Variants in AFF4 observed in about 807,000 individuals in gnomAD.
The protein encoded by AFF4 is AF4/FMR2 family member 4.
Under a neutral mutation model 124.8 loss-of-function variants are expected in AFF4, and 13 were observed. The ratio of observed to expected loss-of-function variants is 0.10; its 90% CI spans 0.07 to 0.17. AFF4 has a LOEUF of 0.17. Ranked by LOEUF, AFF4 falls within the 10% of genes least tolerant of loss-of-function variation. The pLI is 1.00. For missense variants in AFF4, 1,092 were observed against 1,403.8 expected (o/e 0.78, Z 3.55); for synonymous variants, 477 against 496.1 (o/e 0.96, Z 0.51).
At chr5:132,912,806 GA>G (rs1760822835) in intron 5 of AFF4, among the ~76,000 whole-genome samples, 1 of 151,668 alleles carries the variant, frequency 6.6e-6, no homozygotes, top group Admixed American at 6.6e-5. Context: ...TTATACAGCA[GA>G]AAAGGATGGT....
At chr5:132,944,669 G>A (rs1486687813) in intron 1 of AFF4, among the ~76,000 whole-genome samples, 1 of 151,344 alleles carries the variant, frequency 6.6e-6, no homozygotes, top group African/African-American at 2.4e-5. Flanking sequence ...ATTGGCTCAC[G>A]CCCGTAATCC....
chr5:132,933,171 G>A (rs530267358), intron 3 of AFF4, among the ~76,000 whole-genome samples: 4 of 152,268 alleles, frequency 2.6e-5, no homozygotes, highest in African/African-American at 9.6e-5. Context: ...GCCGAGGCGG[G>A]CGGATCACGT....
chr5:132,939,992 G>T (rs62385348), intron 1 of AFF4, among the ~76,000 whole-genome samples: 7 of 152,118 alleles, frequency 4.6e-5, no homozygotes, highest in African/African-American at 1.7e-4. Context: ...GAGGTAAGGA[G>T]TTCAAGACCA....
chr5:132,910,271 A>C (rs1053307032), intron 5 of AFF4, among the ~76,000 whole-genome samples: 4 of 152,210 alleles, frequency 2.6e-5, no homozygotes, highest in African/African-American at 9.7e-5. Flanking sequence ...GAGAGAGATG[A>C]ATATACTAAA....
intron 1 of AFF4, among the ~76,000 whole-genome samples, chr5:132,949,700 A>ACACGCG (rs775970739): frequency 0.028 from 4,072 of 146,524 alleles, 162 homozygotes; most frequent in African/African-American, 0.085. Context: ...ACACACACAC[A>ACACGCG]CGCGCGCGCG....
Position 132,889,067 on chromosome 5 carries a change from A to G in AFF4, c.2732+12T>C, listed in dbSNP as rs959065614. 2 of 1,598,864 alleles carry G rather than the reference A, an allele frequency of 1.3e-6. No homozygotes were observed. Among genetic ancestry groups the G allele is most frequent in the Non-Finnish European group, 8.6e-7 (1 of 1,167,080 alleles). On this transcript the variant is annotated intron_variant, in intron 14 of 20. Coordinates refer to ENST00000265343, the MANE Select transcript of AFF4 (RefSeq NM_014423.4). The stretch of plus-strand genomic sequence containing the variant: ...TTCTTAAATACAGATACAAAAAATC[A>G]TATTATCTCACCTGTCATCAAAGAC...
chr5:132,913,636 G>A (rs181435096), intron 5 of AFF4, among the ~76,000 whole-genome samples: 2 of 152,250 alleles, frequency 1.3e-5, no homozygotes, highest in East Asian at 3.9e-4. Context: ...CAGACATGAG[G>A]TCTGGCTGTT....
At chr5:132,956,018 T>C (rs1192673501) in intron 1 of AFF4, among the ~76,000 whole-genome samples, 3 of 150,702 alleles carry the variant, frequency 2.0e-5, no homozygotes, top group Non-Finnish European at 4.4e-5. Context: ...CATGTAAATA[T>C]ATGTGTATTA....
At chr5:132,885,014 G>T in intron 19 of AFF4, 62 bp downstream of exon 19, 1 of 1,234,764 alleles carries the variant, frequency 8.1e-7, no homozygotes, top group Non-Finnish European at 1.1e-6. Flanking sequence ...TTTGGAAATT[G>T]GACCATACTC....
At chr5:132,946,177 G>A (rs1761693566) in intron 1 of AFF4, among the ~76,000 whole-genome samples, 1 of 152,196 alleles carries the variant, frequency 6.6e-6, no homozygotes, top group Non-Finnish European at 1.5e-5. Flanking sequence ...ACACGTGTTG[G>A]TGAGGATGCA....
At position 132,904,345 on chromosome 5, in the gene AFF4, CAAAG is replaced by C. The variant is rs1332704861; in HGVS notation, c.1087+19_1087+22del. 1.2e-6 allele frequency: 2 copies of C among 1,603,058 alleles called. No individual in the cohort carries two copies. Among genetic ancestry groups the C allele is most frequent in the Non-Finnish European group, 1.7e-6 (2 of 1,173,242 alleles). Reference sequence around the variant, plus strand: ...TTCAATAAATAGCTTAATTTGAAAACAAAGAGGGAAAGAAATACTCACTTTGTTC... The same window carrying C: ...TTCAATAAATAGCTTAATTTGAAAACAGGGAAAGAAATACTCACTTTGTTC... On this transcript the variant is annotated intron_variant, in intron 6 of 20. Coordinates refer to ENST00000265343, the MANE Select transcript of AFF4 (RefSeq NM_014423.4).
At position 132,909,245 on chromosome 5, in the gene AFF4, A is replaced by C. The variant is rs548023771; in HGVS notation, c.1051-4841T>G. On this transcript the variant is annotated intron_variant, in intron 5 of 20. Coordinates refer to ENST00000265343, the MANE Select transcript of AFF4 (RefSeq NM_014423.4). The stretch of plus-strand genomic sequence containing the variant: ...ACTGCAACCTCCATCTCTTGGGCTC[A>C]AATGACTCTCCAGCTCAGCCTCCCA... 3.8e-4 allele frequency among the ~76,000 whole-genome samples: 57 copies of C among 150,960 alleles called. 1 individual carries two copies. In the South Asian group the frequency reaches 0.012, roughly 31 times the overall value.
At chr5:132,948,069 T>C (rs1761742401) in intron 1 of AFF4, among the ~76,000 whole-genome samples, 1 of 152,128 alleles carries the variant, frequency 6.6e-6, no homozygotes. Context: ...CTTTTTTTTT[T>C]GAGATGGAGT....
intron 5 of AFF4, 24 bp from the exon 6 acceptor site, chr5:132,904,428 A>T: frequency 6.3e-7 from 1 of 1,593,394 alleles, no homozygotes; most frequent in Non-Finnish European, 8.5e-7. Flanking sequence ...ACATAAAATT[A>T]TACAAAGTTA....
intron 5 of AFF4, among the ~76,000 whole-genome samples, chr5:132,914,565 C>A (rs1684996751): frequency 6.6e-6 from 1 of 151,496 alleles, no homozygotes; most frequent in African/African-American, 2.4e-5. Context: ...CACGCCACTG[C>A]ACTCCAGCCT....
At chr5:132,881,276 T>G in intron 20 of AFF4, 90 bp from the exon 21 acceptor site, 3 of 1,408,988 alleles carry the variant, frequency 2.1e-6, no homozygotes, top group Non-Finnish European at 2.9e-6. Context: ...ACAGCATTCA[T>G]AAACTCAAAA....
At chr5:132,953,964 C>CT (rs1404374732) in intron 1 of AFF4, among the ~76,000 whole-genome samples, 2 of 152,186 alleles carry the variant, frequency 1.3e-5, no homozygotes, top group Non-Finnish European at 2.9e-5. Flanking sequence ...TTTCCGTTTA[C>CT]TTTAAGATAA....
intron 1 of AFF4, among the ~76,000 whole-genome samples, chr5:132,939,333 A>G (rs1047454189): frequency 8.5e-5 from 13 of 152,206 alleles, no homozygotes; most frequent in Non-Finnish European, 1.3e-4. Flanking sequence ...CTTAAACAGG[A>G]TTTCTTTGGT....
chr5:132,950,155 C>T (rs1452270167), intron 1 of AFF4, among the ~76,000 whole-genome samples: 1 of 151,766 alleles, frequency 6.6e-6, no homozygotes, highest in Non-Finnish European at 1.5e-5. Flanking sequence ...CATGGTGAAA[C>T]CCCATCTCAA....
Sources: gnomAD v4.1 joint callset for allele counts (sites outside exome capture counted in the v4.1 genomes callset) on GRCh38, gnomAD v4.1.1 for gene constraint, MANE v1.5 for transcripts, NCBI Gene and HGNC (gene_info 2026-07-23, HGNC 2026-07-21) for gene names.